Variants in NDST2 observed in about 807,000 individuals in gnomAD.
NDST2 encodes the protein bifunctional heparan sulfate N-deacetylase/N-sulfotransferase 2.
A neutral mutation model predicts 86.9 loss-of-function variants in NDST2; 32 were observed. The ratio of observed to expected loss-of-function variants is 0.37; its 90% CI spans 0.28 to 0.49. NDST2 has a LOEUF of 0.49. NDST2 is among the 20% of genes least tolerant of loss of function. NDST2 has a pLI of 0.97. For missense variants in NDST2, 950 were observed against 1,146.9 expected, an observed-to-expected ratio of 0.83 and a Z score of 2.48; for synonymous variants, 409 against 437.0, an observed-to-expected ratio of 0.94 and a Z score of 0.80.
intron 11 of NDST2, 69 bp from the exon 12 acceptor site, chr10:73,803,428 G>A: frequency 1.9e-6 from 3 of 1,587,442 alleles, no homozygotes; most frequent in Non-Finnish European, 2.6e-6. Flanking sequence ...CGCTTGGTCT[G>A]GAGACAGACA....
intron 13 of NDST2, 64 bp from the exon 14 acceptor site, chr10:73,802,840 C>T (rs1162873795): frequency 6.5e-7 from 1 of 1,540,056 alleles, no homozygotes; most frequent in Non-Finnish European, 9.0e-7. Flanking sequence ...CATAAATGCA[C>T]AATGCCCTTC....
chr10:73,804,890 C>G (rs781313252), intron 8 of NDST2, 21 bp from the exon 9 acceptor site: 4 of 1,434,464 alleles, frequency 2.8e-6, no homozygotes, highest in Non-Finnish European at 3.8e-6. Context: ...GGCCAATAAT[C>G]AGATAAGGCC....
At position 73,802,723 on chromosome 10, in the gene NDST2, C is replaced by A. The variant is rs139504385; in HGVS notation, c.2477G>T (p.Arg826Leu). 126 of 1,614,044 alleles carry A rather than the reference C, an allele frequency of 7.8e-5. 1 individual carries two copies. The Middle Eastern group carries it at 1.3e-3, about 17-fold the overall frequency. ...WCQGLEGGKT[R>L]CLGRSKGRRY... ...CCGGCCTTTGCTCCGGCCTAGACAG[C>A]GAGTCTTACCACCTTCAAGTCCCTG... The change falls in exon 14 of 15, where the codon CGC becomes CTC. Residue 826 changes from arginine to leucine, a missense_variant. Arg to Leu is a moderately radical substitution (Grantham distance 102). Around this residue, in one of 5 missense-constraint regions of NDST2, gnomAD observed 303 missense variants for 323.7 expected, o/e 0.94. Coordinates refer to ENST00000309979, the MANE Select transcript of NDST2 (RefSeq NM_003635.4).
rs2084068618 is a variant in NDST2 at position 73,804,755 on chromosome 10, T to A, written c.1843+18A>T. ...GGGTTTAAGGCAGGGCAAGAGAAGT[T>A]AGCTAAGGATACTTCACCTGTTTTC... On this transcript the variant is annotated intron_variant, in intron 9 of 14. Transcript: ENST00000309979. 6.4e-7 allele frequency: 1 copy of A among 1,553,094 alleles called. No homozygotes were observed. The highest frequency in any genetic ancestry group is 1.7e-5 in the Admixed American group (1 of 59,086).
chr10:73,802,883 A>G, intron 13 of NDST2, 89 bp downstream of exon 13: 1 of 1,525,268 alleles, frequency 6.6e-7, no homozygotes. Context: ...TCCTTGTGAG[A>G]CAGAGTAAAT....
chr10:73,807,359 A>G, intron 3 of NDST2, 25 bp downstream of exon 3: 1 of 1,609,290 alleles, frequency 6.2e-7, no homozygotes, highest in Non-Finnish European at 8.5e-7. Flanking sequence ...GCTTCTAAGA[A>G]AAAAATTTAA....
chr10:73,810,332 C>T (rs558573982), intron 2 of NDST2, among the ~76,000 whole-genome samples: 1 of 152,174 alleles, frequency 6.6e-6, no homozygotes, highest in East Asian at 1.9e-4. Context: ...GTGGTGGGCG[C>T]CTGTAGTCCC....
At position 73,803,688 on chromosome 10, in the gene NDST2, A is replaced by G. The variant is rs768087247; in HGVS notation, c.2028T>C (p.Ser676=). Residue 676 remains serine, a synonymous_variant, in exon 11 of 15, where the codon AGT becomes AGC. Coordinates refer to ENST00000309979, the MANE Select transcript of NDST2 (RefSeq NM_003635.4). ...CAACTTCAGAGTCAAAGTAGGTGGCACTTTTTTCAAATAGGAAATCAGTGC... is the reference window on the plus strand; with the variant it reads ...CAACTTCAGAGTCAAAGTAGGTGGCGCTTTTTTCAAATAGGAAATCAGTGC... ...NASTDFLFEK[S]ATYFDSEVVP... is the part of the protein sequence containing the mutation. 1 of 1,614,156 alleles carries G rather than the reference A, an allele frequency of 6.2e-7. No individual in the cohort carries two copies. The highest frequency in any genetic ancestry group is 1.7e-5 in the Admixed American group (1 of 60,020).
In NDST2 at chr10:73,810,899, C is replaced by T. The variant is rs1180780982; in HGVS notation, c.-442G>A. 2.5e-6 allele frequency: 1 copy of T among 399,144 alleles called. No individual in the cohort carries two copies. The highest frequency in any genetic ancestry group is 4.4e-6 in the Non-Finnish European group (1 of 226,112). The allele number at this position is 399,144 out of a possible 1,614,324, so 24.7% of individuals were successfully genotyped here. A position where few individuals can be genotyped will look rare whatever the true frequency, so the allele number is the denominator to read the frequency against. On this transcript the variant is annotated 5_prime_UTR_variant, in exon 2 of 15. The change abolishes an upstream ATG in the 5' untranslated region. Transcript: ENST00000309979. Reference sequence around the variant, plus strand: ...GTTCTTAGCCGCTGCATTTTAGCTTCATACCTGGAAGAAGCAGCAAGGTTT... The same window carrying T: ...GTTCTTAGCCGCTGCATTTTAGCTTTATACCTGGAAGAAGCAGCAAGGTTT...
At chr10:73,803,808 G>C in intron 10 of NDST2, 60 bp from the exon 11 acceptor site, 2 of 1,613,236 alleles carry the variant, frequency 1.2e-6, no homozygotes, top group Non-Finnish European at 1.7e-6. Context: ...GTGGCCAGAA[G>C]TCTGTGCTGA....
Position 73,802,521 on chromosome 10 carries a change from A to G in NDST2, c.2582T>C (p.Leu861Pro). ...FRNHNLELSKLLSRLGQPVPS... is the reference protein window; with the variant it reads ...FRNHNLELSKPLSRLGQPVPS... Reference sequence around the variant, plus strand: ...CACTGGCTGTCCAAGCCGGCTCAGCAGCTTCGACAACTCCAAATTATGGTT... The same window carrying G: ...CACTGGCTGTCCAAGCCGGCTCAGCGGCTTCGACAACTCCAAATTATGGTT... Residue 861 changes from leucine (L) to proline (P), a missense_variant, in exon 15 of 15, where the codon CTG (leucine) becomes CCG (proline). Leu to Pro is a moderately conservative substitution (Grantham distance 98). Around this residue, in one of 5 missense-constraint regions of NDST2, gnomAD observed 303 missense variants for 323.7 expected, o/e 0.94. Transcript: ENST00000309979. 6.2e-7 allele frequency: 1 copy of G among 1,614,140 alleles called. No individual in the cohort carries two copies.
At position 73,805,440 on chromosome 10, in the gene NDST2, G is replaced by A. The variant is rs190002064; in HGVS notation, c.1746+147C>T. On this transcript the variant is annotated intron_variant, in intron 8 of 14. Coordinates refer to ENST00000309979, the MANE Select transcript of NDST2 (RefSeq NM_003635.4). Reference sequence around the variant, plus strand: ...GAGGCAGGAGAATCGCTTGAACCTGGGAGGTGGAGGTTGCAATGAGCAGAG... The same window carrying A: ...GAGGCAGGAGAATCGCTTGAACCTGAGAGGTGGAGGTTGCAATGAGCAGAG... 660 of 730,896 alleles carry A rather than the reference G, an allele frequency of 9.0e-4. 1 individual carries two copies. In the African/African-American group the frequency reaches 0.011, roughly 12 times the overall value. 45.3% of individuals were successfully genotyped at this position (730,896 alleles called of 1,614,324 possible). A position where few individuals can be genotyped will look rare whatever the true frequency, so the allele number is the denominator to read the frequency against.
chr10:73,803,278 C>T lies in NDST2; in HGVS notation c.2224G>A (p.Ala742Thr), dbSNP rs772829268. Residue 742 changes from alanine (A) to threonine (T), a missense_variant, in exon 12 of 15, where the codon GCA (alanine) becomes ACA (threonine). Transcript: ENST00000309979. ...VISASSQTPLALRSLQNRCLV... is the reference protein window; with the variant it reads ...VISASSQTPLTLRSLQNRCLV... ...CAGCGGTTCTGCAGGGAGCGTAGTG[C>T]CAGAGGGGTCTGGGAGGAGGCTGAA... 1.3e-5 allele frequency: 21 copies of T among 1,614,072 alleles called. No homozygotes were observed. Among genetic ancestry groups the T allele is most frequent in the Non-Finnish European group, 1.8e-5 (21 of 1,179,986 alleles).
rs371617657 is a variant in NDST2 at position 73,806,076 on chromosome 10, A to C, written c.1435-48T>G. On this transcript the variant is annotated intron_variant, in intron 6 of 14. Coordinates refer to ENST00000309979, the MANE Select transcript of NDST2 (RefSeq NM_003635.4). This position sits in a 1 kb window ranked among gnomAD's most constrained non-coding sequence, Gnocchi z 4.5. The stretch of plus-strand genomic sequence containing the variant: ...ATGAGATTTGAAAGATAGAATGAGA[A>C]GTAGATGGAGGACACTGGGATTTAT... The C allele has an allele frequency of 2.4e-4, 387 of 1,604,954 alleles. 1 individual carries two copies. Among genetic ancestry groups the C allele is most frequent in the Non-Finnish European group, 3.3e-4 (382 of 1,175,040 alleles).
At chr10:73,804,537 A>C (rs527855001) in intron 9 of NDST2, among the ~76,000 whole-genome samples, 1 of 152,126 alleles carries the variant, frequency 6.6e-6, no homozygotes, top group Admixed American at 6.5e-5. Flanking sequence ...GCTACTAGGG[A>C]AGCTGAGCAG....
chr10:73,803,325 T>A lies in NDST2; in HGVS notation c.2177A>T (p.Asn726Ile). 6.2e-7 allele frequency: 1 copy of A among 1,614,112 alleles called. No individual in the cohort carries two copies. Among genetic ancestry groups the A allele is most frequent in the Non-Finnish European group, 8.5e-7 (1 of 1,180,008 alleles). The change falls in exon 12 of 15, where the codon AAC becomes ATC. Residue 726 changes from asparagine to isoleucine, a missense_variant. Coordinates refer to ENST00000309979, the MANE Select transcript of NDST2 (RefSeq NM_003635.4). ...TGAAATCACCTGATAGAAGGTATAG[T>A]TCAGAGCAACTGGGTCTCCATGGGC... ...QRAHGDPVALNYTFYQVISAS... is the reference protein window; with the variant it reads ...QRAHGDPVALIYTFYQVISAS...
intron 2 of NDST2, among the ~76,000 whole-genome samples, chr10:73,809,935 G>A (rs997902173): frequency 4.6e-5 from 7 of 152,044 alleles, no homozygotes; most frequent in South Asian, 2.1e-4. Flanking sequence ...GTCTTGTTAC[G>A]TTGCCCAGGC....
Position 73,806,134 on chromosome 10 carries a change from C to A in NDST2, c.1435-106G>T. On this transcript the variant is annotated intron_variant, in intron 6 of 14. Coordinates refer to ENST00000309979, the MANE Select transcript of NDST2 (RefSeq NM_003635.4). This position sits in a 1 kb window ranked among gnomAD's most constrained non-coding sequence, Gnocchi z 4.5. The stretch of plus-strand genomic sequence containing the variant: ...TGAGTCTGAAGTTATAGCAATAAAG[C>A]TCTTACTGAGGGTGTTAAAATTTTT... 6.5e-7 allele frequency: 1 copy of A among 1,537,340 alleles called. No homozygotes were observed.
In NDST2 at chr10:73,810,806, A is replaced by G. The variant is rs768868563; in HGVS notation, c.-349T>C. ...CTCAGAGAAGCTTAGAACCTTGCCC[A>G]GGATCACACAGCTCAGTTGGTGGGA... On this transcript the variant is annotated 5_prime_UTR_variant, in exon 2 of 15. Transcript: ENST00000309979. The G allele has an allele frequency of 9.5e-5, 38 of 398,996 alleles. No individual in the cohort carries two copies. Among genetic ancestry groups the G allele is most frequent in the Non-Finnish European group, 1.5e-4 (35 of 226,070 alleles). 24.7% of individuals were successfully genotyped at this position (398,996 alleles called of 1,614,324 possible).
Sources: allele counts gnomAD v4.1 joint callset (sites outside exome capture counted in the v4.1 genomes callset), GRCh38; gene constraint gnomAD v4.1.1; regional missense constraint gnomAD v4.1.1; non-coding constraint Gnocchi (gnomAD v3.1); transcripts MANE v1.5; gene names NCBI Gene and HGNC (gene_info 2026-07-23, HGNC 2026-07-21).